Variants in GARIN5B observed in about 807,000 individuals in gnomAD.
GARIN5B encodes Golgi-associated RAB2 interactor protein 5B.
the GARIN5B span, chr19:55,359,442 G>C: frequency 2.9e-5 from 45 of 1,549,084 alleles, no homozygotes; most frequent in Non-Finnish European, 3.8e-5. Context: ...GATGGAGCAG[G>C]TATGGCTGGG....
At chr19:55,360,059 C>T in the GARIN5B span, 7 of 1,399,452 alleles carry the variant, frequency 5.0e-6, no homozygotes, top group South Asian at 1.0e-4. Context: ...CCCCTGCTCC[C>T]TCCTCCCTCA....
the GARIN5B span, chr19:55,362,292 G>C: frequency 1.9e-6 from 3 of 1,545,604 alleles, no homozygotes; most frequent in Non-Finnish European, 2.6e-6. Flanking sequence ...GGCATATCCA[G>C]GGGGGCCGTG....
the GARIN5B span, chr19:55,360,921 C>A: frequency 6.5e-7 from 1 of 1,542,366 alleles, no homozygotes; most frequent in South Asian, 1.2e-5. Context: ...GGAGCAATAC[C>A]GTGGGACTTT....
chr19:55,362,285 A>G, the GARIN5B span: 1 of 1,547,686 alleles, frequency 6.5e-7, no homozygotes, highest in Non-Finnish European at 8.7e-7. Context: ...GGCCAGCGGC[A>G]TATCCAGGGG....
At chr19:55,358,224 C>A in the GARIN5B span, 205 of 1,549,938 alleles carry the variant, frequency 1.3e-4, no homozygotes, top group Middle Eastern at 5.0e-4. Context: ...GTTTCAAGTT[C>A]TAAGAGCATG....
the GARIN5B span, chr19:55,361,438 C>A: frequency 1.3e-6 from 2 of 1,498,024 alleles, no homozygotes; most frequent in Non-Finnish European, 1.8e-6. Context: ...GCTGGTCCTG[C>A]AGAGATAGAG....
At chr19:55,358,562 T>A in the GARIN5B span, 1 of 1,549,588 alleles carries the variant, frequency 6.5e-7, no homozygotes, top group Admixed American at 2.0e-5. Context: ...CCATGGCCGC[T>A]TGCCCTCCTT....
chr19:55,358,906 C>CCT, the GARIN5B span: 1 of 1,550,896 alleles, frequency 6.4e-7, no homozygotes, highest in Non-Finnish European at 8.7e-7. Context: ...GGTCCGGGGA[C>CCT]CTCTCTTCAA....
At chr19:55,363,131 C>A in the GARIN5B span, 1 of 1,408,182 alleles carries the variant, frequency 7.1e-7, no homozygotes, top group East Asian at 2.9e-5. The surrounding 1 kb of genome is among the most constrained non-coding windows in gnomAD (Gnocchi z 4.0). Context: ...CCTCCCAGCC[C>A]CGGCCCACCA....
chr19:55,358,758 T>C, the GARIN5B span: 1 of 1,549,574 alleles, frequency 6.5e-7, no homozygotes, highest in Non-Finnish European at 8.7e-7. Context: ...GAGTTGGCCG[T>C]GATCATGAGC....
chr19:55,362,970 C>T, the GARIN5B span: 5 of 1,492,500 alleles, frequency 3.4e-6, no homozygotes, highest in Admixed American at 2.6e-5. Context: ...AGGTACTCGC[C>T]CTTCTGGAGG....
At chr19:55,359,747 G>A in the GARIN5B span, 6 of 1,551,440 alleles carry the variant, frequency 3.9e-6, no homozygotes, top group African/African-American at 2.7e-5. Context: ...GGAAGAGTAG[G>A]GTGTGGAGAG....
the GARIN5B span, chr19:55,355,324 G>A: frequency 3.9e-6 from 6 of 1,549,876 alleles, no homozygotes; most frequent in African/African-American, 1.4e-5. Context: ...CCGGCCACTC[G>A]GAGTGCTGGG....
chr19:55,357,113 C>A, the GARIN5B span, among the ~76,000 whole-genome samples: 1 of 152,150 alleles, frequency 6.6e-6, no homozygotes, highest in Non-Finnish European at 1.5e-5. Flanking sequence ...GTCACTCCCG[C>A]TTCCTCCACA....
the GARIN5B span, chr19:55,361,450 G>A: frequency 3.4e-6 from 5 of 1,478,402 alleles, no homozygotes; most frequent in African/African-American, 5.7e-5. Flanking sequence ...GAGATAGAGG[G>A]AGGCAGGAGG....
At chr19:55,358,941 C>G in the GARIN5B span, 9 of 1,551,230 alleles carry the variant, frequency 5.8e-6, no homozygotes, top group South Asian at 1.1e-4. Flanking sequence ...GCCCAGTCCT[C>G]CAACTTCCCC....
At chr19:55,358,979 T>A in the GARIN5B span, 3 of 1,551,168 alleles carry the variant, frequency 1.9e-6, no homozygotes, top group African/African-American at 4.1e-5. Flanking sequence ...CAGGGTCACC[T>A]CCTTGGTTTG....
chr19:55,363,251 G>A, the GARIN5B span: 1,668 of 541,260 alleles, frequency 3.1e-3, 25 homozygotes, highest in African/African-American at 0.03. This position sits in a 1 kb window ranked among gnomAD's most constrained non-coding sequence, Gnocchi z 4.0. Flanking sequence ...AGGGTGGACA[G>A]CAGGGGTCTG....
At chr19:55,356,765 C>A in the GARIN5B span, among the ~76,000 whole-genome samples, 1 of 152,078 alleles carries the variant, frequency 6.6e-6, no homozygotes, top group Non-Finnish European at 1.5e-5. Flanking sequence ...AAACCTCCAA[C>A]CTGGCTGGGC....
Sources: gnomAD v4.1 joint callset for allele counts (sites outside exome capture counted in the v4.1 genomes callset) on GRCh38, gnomAD v4.1.1 for gene constraint, Gnocchi (gnomAD v3.1) non-coding constraint, MANE v1.5 for transcripts, NCBI Gene and HGNC (gene_info 2026-07-23, HGNC 2026-07-21) for gene names.